IGF2BP1: variants seen among roughly 807,000 people sequenced by gnomAD.
IGF2BP1 encodes the protein insulin-like growth factor 2 mRNA-binding protein 1.
A neutral mutation model predicts 74.9 loss-of-function variants in IGF2BP1; 11 were observed. The observed-to-expected ratio is 0.15, with a 90% CI of 0.09 to 0.24. IGF2BP1 has a LOEUF of 0.24. Among genes scored for constraint, IGF2BP1 ranks in the 10% least tolerant of loss-of-function variants. The pLI, the probability that IGF2BP1 is intolerant of heterozygous loss-of-function variation, is 1.00. For missense variants in IGF2BP1, 440 were observed against 757.4 expected (o/e 0.58, Z 4.92); for synonymous variants, 287 against 281.8 (o/e 1.02, Z -0.18).
chr17:49,016,957 A>C (rs952847903), intron 2 of IGF2BP1, among the ~76,000 whole-genome samples: 2 of 143,376 alleles, frequency 1.4e-5, no homozygotes. Context: ...GAAGCGTGCC[A>C]GGTCCGCCCC....
intron 6 of IGF2BP1, among the ~76,000 whole-genome samples, 193 bp from the exon 7 acceptor site, chr17:49,039,764 A>G (rs76306177): frequency 2.0e-5 from 3 of 152,280 alleles, no homozygotes; most frequent in African/African-American, 7.2e-5. Context: ...CTGGTCTGAG[A>G]CAGAATCCAC....
At chr17:49,004,853 A>G (rs919639070) in intron 2 of IGF2BP1, 1 of 152,204 alleles carries the variant, frequency 6.6e-6, no homozygotes, top group Non-Finnish European at 1.5e-5. Flanking sequence ...ACCTGTACTC[A>G]AGAAAGTGTA....
Position 49,042,247 on chromosome 17 carries a change from A to T in IGF2BP1, c.947A>T (p.Gln316Leu). 6.2e-7 allele frequency: 1 copy of T among 1,614,186 alleles called. No homozygotes were observed. ...AACTCTGCTCTTTCTGCCAGGTTGC[A>T]AGACCTTACCCTTTACAACCCTGAG... ...TETKITISSL[Q>L]DLTLYNPERT... The change falls in exon 9 of 15, where the codon CAA becomes CTA. Residue 316 changes from glutamine to leucine, a missense_variant. By Grantham distance (113) the Gln-to-Leu change is moderately radical. Transcript: ENST00000290341.
intron 2 of IGF2BP1, among the ~76,000 whole-genome samples, chr17:49,006,994 G>A (rs1181283610): frequency 6.6e-6 from 1 of 152,158 alleles, no homozygotes; most frequent in Non-Finnish European, 1.5e-5. Flanking sequence ...GTTCCTAGCT[G>A]AAATTTCACA....
At chr17:49,048,718 T>C (rs1307235063) in intron 14 of IGF2BP1, among the ~76,000 whole-genome samples, 1 of 152,120 alleles carries the variant, frequency 6.6e-6, no homozygotes, top group African/African-American at 2.4e-5. Flanking sequence ...GAGTGGGCAT[T>C]ACCTCCTGAG....
chr17:49,037,650 A>G (rs1373296447), intron 5 of IGF2BP1, among the ~76,000 whole-genome samples: 1 of 152,216 alleles, frequency 6.6e-6, no homozygotes, highest in East Asian at 1.9e-4. Context: ...ACATGTATAC[A>G]TTTCAATCTC....
Position 49,056,000 on chromosome 17 carries a change from G to A in IGF2BP1, c.*6556G>A, listed in dbSNP as rs957007820. Among the ~76,000 whole-genome samples the A allele has an allele frequency of 6.6e-6, 1 of 151,916 alleles. No individual in the cohort carries two copies. The highest frequency in any genetic ancestry group is 1.5e-5 in the Non-Finnish European group (1 of 67,994). The stretch of plus-strand genomic sequence containing the variant: ...CTGTTCATTGCTTTGGGGGAGGTGG[G>A]GCAGCTGGCTCACACGTTGGAGTTT... On this transcript the variant is annotated 3_prime_UTR_variant, in exon 15 of 15. Transcript: ENST00000290341.
At chr17:49,013,813 C>G (rs1262961301) in intron 2 of IGF2BP1, 1 of 152,402 alleles carries the variant, frequency 6.6e-6, no homozygotes, top group Admixed American at 6.5e-5. Flanking sequence ...GTCCCCTCCC[C>G]CTCGGGGCCC....
intron 2 of IGF2BP1, among the ~76,000 whole-genome samples, chr17:49,004,121 C>CGCCT (rs2041518849): frequency 6.6e-6 from 1 of 152,184 alleles, no homozygotes; most frequent in African/African-American, 2.4e-5. Flanking sequence ...TGGGGCCGCC[C>CGCCT]GCCTGCCTTC....
rs1466505796 is a variant in IGF2BP1 at position 48,997,605 on chromosome 17, G to C, written c.-141G>C. 13 of 886,642 alleles carry C rather than the reference G, an allele frequency of 1.5e-5. No homozygotes were observed. Among genetic ancestry groups the C allele is most frequent in the Non-Finnish European group, 2.0e-5 (12 of 592,956 alleles). 54.9% of individuals were successfully genotyped at this position (886,642 alleles called of 1,614,324 possible). A position where few individuals can be genotyped will look rare whatever the true frequency, so the allele number is the denominator to read the frequency against. ...AGGCCGCCTTCCCCGCCCTGGGCTCGGGACAACTTCTGGGGTGGGGTGCAA... is the reference window on the plus strand; with the variant it reads ...AGGCCGCCTTCCCCGCCCTGGGCTCCGGACAACTTCTGGGGTGGGGTGCAA... On this transcript the variant is annotated 5_prime_UTR_variant, in exon 1 of 15. Transcript: ENST00000290341. This position sits in a 1 kb window ranked among gnomAD's most constrained non-coding sequence, Gnocchi z 4.8.
intron 2 of IGF2BP1, among the ~76,000 whole-genome samples, chr17:49,004,116 C>CCG (rs1206426990): frequency 6.6e-6 from 1 of 152,168 alleles, no homozygotes; most frequent in Non-Finnish European, 1.5e-5. Flanking sequence ...TGAGGTGGGG[C>CCG]CGCCCGCCTG....
intron 11 of IGF2BP1, 82 bp from the exon 12 acceptor site, chr17:49,044,909 G>C (rs2144142773): frequency 8.4e-7 from 1 of 1,189,878 alleles, no homozygotes; most frequent in South Asian, 1.2e-5. Flanking sequence ...AGTAAGGGTG[G>C]TAGAAGGGGA....
Position 49,052,887 on chromosome 17 carries a change from A to G in IGF2BP1, c.*3443A>G, listed in dbSNP as rs1411716560. On this transcript the variant is annotated 3_prime_UTR_variant, in exon 15 of 15. Coordinates refer to ENST00000290341, the MANE Select transcript of IGF2BP1 (RefSeq NM_006546.4). ...AGAAAGGACCATCTCTTTAGGATATATTTTTAAATTCTTTGAAACACATAA... is the reference window on the plus strand; with the variant it reads ...AGAAAGGACCATCTCTTTAGGATATGTTTTTAAATTCTTTGAAACACATAA... 1 of 152,404 alleles carries G rather than the reference A, an allele frequency of 6.6e-6. No individual in the cohort carries two copies. The highest frequency in any genetic ancestry group is 1.5e-5 in the Non-Finnish European group (1 of 68,040). 9.4% of individuals were successfully genotyped at this position (152,404 alleles called of 1,614,324 possible).
intron 2 of IGF2BP1, among the ~76,000 whole-genome samples, chr17:49,000,308 GA>G (rs2041472540): frequency 1.3e-5 from 2 of 152,082 alleles, no homozygotes; most frequent in Non-Finnish European, 2.9e-5. Flanking sequence ...TTTTCTGGGG[GA>G]CCATTAAGAG....
At position 49,034,115 on chromosome 17, in the gene IGF2BP1, C is replaced by CTTTTT. The variant is rs762314265; in HGVS notation, c.401+2158_401+2162dup. Among the ~76,000 whole-genome samples the CTTTTT allele has an allele frequency of 5.1e-5, 6 of 118,412 alleles. 1 individual carries two copies. The highest frequency in any genetic ancestry group is 1.4e-4 in the African/African-American group (4 of 29,550). The allele number at this position is 118,412 out of a possible 152,430, so 77.7% of individuals were successfully genotyped here. A position where few individuals can be genotyped will look rare whatever the true frequency, so the allele number is the denominator to read the frequency against. ...GTTAGAATTATATCATGATTTGCCCCTTTTTTTTTTTTTTTTTTTTGAGAT... is the reference window on the plus strand; with the variant it reads ...GTTAGAATTATATCATGATTTGCCCCTTTTTTTTTTTTTTTTTTTTTTTTTGAGAT... On this transcript the variant is annotated intron_variant, in intron 5 of 14. Coordinates refer to ENST00000290341, the MANE Select transcript of IGF2BP1 (RefSeq NM_006546.4).
At chr17:49,005,854 G>A (rs1234112612) in intron 2 of IGF2BP1, among the ~76,000 whole-genome samples, 1 of 152,138 alleles carries the variant, frequency 6.6e-6, no homozygotes, top group Non-Finnish European at 1.5e-5. Context: ...ATGAGGCCAG[G>A]AGTTCAAGAC....
In IGF2BP1 at chr17:49,025,676, T is replaced by C; in HGVS notation, c.285+10T>C. ...CCAGCTCCGATGGGAAGTAAGTGTT[T>C]GGGGGAAACTCTAAATGGAGTGGGA... On this transcript the variant is annotated intron_variant, in intron 3 of 14. Coordinates refer to ENST00000290341, the MANE Select transcript of IGF2BP1 (RefSeq NM_006546.4). The C allele has an allele frequency of 6.2e-7, 1 of 1,610,382 alleles. No individual in the cohort carries two copies. The highest frequency in any genetic ancestry group is 1.3e-5 in the African/African-American group (1 of 74,898).
rs2041995910 is a variant in IGF2BP1 at position 49,036,888 on chromosome 17, A to T, written c.402-1280A>T. ...GGGAGGCGGAGGTTGCACTGAGCCG[A>T]GATCACGCCATTGCACTGCAGCCTG... On this transcript the variant is annotated intron_variant, in intron 5 of 14. Transcript: ENST00000290341. 3 of 160,866 alleles carry T rather than the reference A, an allele frequency of 1.9e-5. No individual in the cohort carries two copies. In the South Asian group the frequency reaches 5.3e-4, roughly 29 times the overall value. The allele number at this position is 160,866 out of a possible 1,614,324, so 10.0% of individuals were successfully genotyped here.
In IGF2BP1 at chr17:48,997,952, C is replaced by T. The variant is rs940006892; in HGVS notation, c.175+32C>T. 6.2e-7 allele frequency: 1 copy of T among 1,605,238 alleles called. No individual in the cohort carries two copies. The highest frequency in any genetic ancestry group is 1.7e-5 in the Admixed American group (1 of 59,198). ...ACACAGCCACCTCCCGGAAAAGCCA[C>T]AACGAGAGCCCCGAACAACGGAGAC... On this transcript the variant is annotated intron_variant, in intron 1 of 14. Coordinates refer to ENST00000290341, the MANE Select transcript of IGF2BP1 (RefSeq NM_006546.4). This position sits in a 1 kb window ranked among gnomAD's most constrained non-coding sequence, Gnocchi z 4.8.
Sources: allele counts gnomAD v4.1 joint callset (sites outside exome capture counted in the v4.1 genomes callset), GRCh38; gene constraint gnomAD v4.1.1; non-coding constraint Gnocchi (gnomAD v3.1); transcripts MANE v1.5; gene names NCBI Gene and HGNC (gene_info 2026-07-23, HGNC 2026-07-21).